DIS3L2: variants seen among roughly 807,000 people sequenced by gnomAD.
The protein encoded by DIS3L2 is DIS3 like 3'-5' exoribonuclease 2, also known as DIS3-like exonuclease 2.
Under a neutral mutation model 97.5 loss-of-function variants are expected in DIS3L2, and 34 were observed. The observed-to-expected ratio is 0.35, with a 90% confidence interval of 0.27 to 0.46. The LOEUF (loss-of-function observed/expected upper bound fraction) is 0.46, where lower values mean the gene tolerates loss of function less well. Among genes scored for constraint, DIS3L2 ranks in the 20% least tolerant of loss-of-function variants. The pLI is 1.00. For missense variants in DIS3L2, 1,038 were observed against 1,146.0 expected (o/e 0.91, Z 1.36); for synonymous variants, 435 against 445.2 (o/e 0.98, Z 0.29).
intron 20 of DIS3L2, chr2:232,336,199 C>T (rs1288418223): frequency 9.8e-6 from 15 of 1,533,740 alleles, no homozygotes; most frequent in East Asian, 5.1e-5. Flanking sequence ...TGTCTGGAAC[C>T]GTTTTCACCA....
chr2:232,139,204 T>C (rs1698442870), intron 8 of DIS3L2, among the ~76,000 whole-genome samples: 1 of 152,162 alleles, frequency 6.6e-6, no homozygotes, highest in Non-Finnish European at 1.5e-5. Flanking sequence ...AAATCAGAAC[T>C]AACAAGGCAA....
chr2:232,289,234 AGTTTTTT>A (rs1244712224), intron 13 of DIS3L2, among the ~76,000 whole-genome samples: 1 of 151,572 alleles, frequency 6.6e-6, no homozygotes, highest in African/African-American at 2.4e-5. Context: ...ATGAGGAAAG[AGTTTTTT>A]GTTTTTTGTT....
chr2:231,976,615 C>T (rs550300672), intron 1 of DIS3L2, among the ~76,000 whole-genome samples: 7 of 148,272 alleles, frequency 4.7e-5, no homozygotes, highest in Admixed American at 2.0e-4. Context: ...GGTAACAAAG[C>T]GAGACCCTCT....
Position 232,205,474 on chromosome 2 carries a change from G to T in DIS3L2, c.1125-4852G>T, listed in dbSNP as rs116627201. On this transcript the variant is annotated intron_variant, in intron 9 of 20. Coordinates refer to ENST00000325385, the MANE Select transcript of DIS3L2 (RefSeq NM_152383.5). ...CATGCCACCACAATGGCTAATTTTT[G>T]TATTTGTTGTAGAAACAGGGTTTCA... 2.0e-5 allele frequency among the ~76,000 whole-genome samples: 3 copies of T among 151,886 alleles called. No individual in the cohort carries two copies. The East Asian group carries it at 5.8e-4, about 29-fold the overall frequency.
chr2:232,311,086 C>G (rs1234575027), intron 14 of DIS3L2, among the ~76,000 whole-genome samples: 1 of 152,176 alleles, frequency 6.6e-6, no homozygotes, highest in Non-Finnish European at 1.5e-5. Context: ...TGCTCAGGAC[C>G]CTTTGTAGAA....
chr2:232,258,764 AG>A (rs988848391), intron 12 of DIS3L2, among the ~76,000 whole-genome samples: 1 of 152,174 alleles, frequency 6.6e-6, no homozygotes, highest in African/African-American at 2.4e-5. Context: ...ATGTGAATCC[AG>A]TTTCCAAATT....
intron 4 of DIS3L2, among the ~76,000 whole-genome samples, chr2:232,028,381 A>G (rs1267154255): frequency 2.0e-5 from 3 of 152,186 alleles, no homozygotes; most frequent in Non-Finnish European, 2.9e-5. Flanking sequence ...GTGTCTTTAA[A>G]GTAAGAGATT....
At chr2:232,031,954 A>G (rs781296918) in intron 5 of DIS3L2, among the ~76,000 whole-genome samples, 14 of 152,194 alleles carry the variant, frequency 9.2e-5, no homozygotes, top group South Asian at 2.1e-4. Flanking sequence ...TAGTGCTACA[A>G]TAAACATATG....
At chr2:232,291,319 T>C (rs1370847087) in intron 13 of DIS3L2, among the ~76,000 whole-genome samples, 1 of 152,258 alleles carries the variant, frequency 6.6e-6, no homozygotes, top group Admixed American at 6.5e-5. Context: ...AAAATGTGAT[T>C]TTCTTCTAAT....
chr2:232,336,208 C>A (rs1199881579), intron 20 of DIS3L2: 2 of 1,536,294 alleles, frequency 1.3e-6, no homozygotes, highest in Admixed American at 4.0e-5. Flanking sequence ...CCGTTTTCAC[C>A]AACAGTGTGC....
At chr2:232,206,554 A>G (rs1161729006) in intron 9 of DIS3L2, among the ~76,000 whole-genome samples, 2 of 152,136 alleles carry the variant, frequency 1.3e-5, no homozygotes, top group East Asian at 3.8e-4. Flanking sequence ...TTTTTTAGTC[A>G]TTTAAACATG....
intron 9 of DIS3L2, among the ~76,000 whole-genome samples, chr2:232,188,068 A>T (rs1327071634): frequency 6.6e-6 from 1 of 152,054 alleles, no homozygotes; most frequent in Non-Finnish European, 1.5e-5. Context: ...TGAACCTGGG[A>T]GGCGGAGGTT....
At chr2:231,976,765 CTTTTTTT>C (rs34911392) in intron 1 of DIS3L2, among the ~76,000 whole-genome samples, 1 of 124,470 alleles carries the variant, frequency 8.0e-6, no homozygotes, top group Non-Finnish European at 1.7e-5. Context: ...AACACGAAGC[CTTTTTTT>C]TTTTTTTTTT....
chr2:231,988,132 C>T (rs889608266), intron 1 of DIS3L2, among the ~76,000 whole-genome samples: 8 of 152,184 alleles, frequency 5.3e-5, no homozygotes, highest in Middle Eastern at 3.2e-3. Flanking sequence ...CGTGAGCCAC[C>T]GCACCTGGCC....
intron 6 of DIS3L2, among the ~76,000 whole-genome samples, chr2:232,127,296 T>A (rs1348617912): frequency 2.0e-5 from 3 of 152,202 alleles, no homozygotes; most frequent in African/African-American, 7.2e-5. Context: ...GAATTATTGA[T>A]CTTTACCCCT....
intron 11 of DIS3L2, among the ~76,000 whole-genome samples, chr2:232,240,670 C>G (rs1304012051): frequency 6.6e-6 from 1 of 152,124 alleles, no homozygotes; most frequent in Non-Finnish European, 1.5e-5. Flanking sequence ...TCTTTGCCCC[C>G]CGACCCCTCA....
chr2:232,064,589 A>T (rs991402763), intron 5 of DIS3L2, among the ~76,000 whole-genome samples: 2 of 152,184 alleles, frequency 1.3e-5, no homozygotes, highest in African/African-American at 4.8e-5. Flanking sequence ...TATGGTAAGC[A>T]TATGTTTATC....
At chr2:232,328,921 G>T (rs960532197) in intron 14 of DIS3L2, 1 of 152,306 alleles carries the variant, frequency 6.6e-6, no homozygotes, top group African/African-American at 2.4e-5. Context: ...GGTAGGGTCA[G>T]TGGTGCTGAC....
At chr2:232,245,621 A>T (rs189059770) in intron 11 of DIS3L2, among the ~76,000 whole-genome samples, 13 of 152,248 alleles carry the variant, frequency 8.5e-5, no homozygotes, top group Non-Finnish European at 1.5e-4. Context: ...GACCTGGTAA[A>T]TGTCTTTTAT....
Sources: allele counts gnomAD v4.1 joint callset (sites outside exome capture counted in the v4.1 genomes callset), GRCh38; gene constraint gnomAD v4.1.1; transcripts MANE v1.5; gene names NCBI Gene and HGNC (gene_info 2026-07-23, HGNC 2026-07-21).